CNTN4: variants seen among roughly 807,000 people sequenced by gnomAD.
CNTN4 encodes the protein contactin-4.
A neutral mutation model predicts 122.5 loss-of-function variants in CNTN4; 77 were observed. That is an observed-to-expected ratio of 0.63 (90% CI 0.52 to 0.76). CNTN4 has a LOEUF of 0.76. Ranked by LOEUF, CNTN4 falls within the 30% of genes least tolerant of loss-of-function variation. The pLI is 0.00. For synonymous variants in CNTN4, 512 were observed against 447.0 expected, an observed-to-expected ratio of 1.15 and a Z score of -1.83; for missense variants, 1,256 against 1,259.1, an observed-to-expected ratio of 1.00 and a Z score of 0.04.
intron 12 of CNTN4, among the ~76,000 whole-genome samples, chr3:2,903,889 T>C (rs1310707360): frequency 1.3e-5 from 2 of 152,116 alleles, no homozygotes; most frequent in African/African-American, 4.8e-5. Flanking sequence ...CAATAAACAT[T>C]GAATGAATGT....
chr3:2,887,264 G>T, intron 10 of CNTN4, 40 bp downstream of exon 10: 1 of 1,568,152 alleles, frequency 6.4e-7, no homozygotes. Flanking sequence ...TAGTGCTACA[G>T]AACTTCCTGA....
chr3:2,117,782 A>C (rs1038304418), intron 2 of CNTN4, among the ~76,000 whole-genome samples: 4 of 152,212 alleles, frequency 2.6e-5, no homozygotes, highest in African/African-American at 9.7e-5. Flanking sequence ...TTTATTAGAC[A>C]CGCAGGGTTT....
intron 3 of CNTN4, among the ~76,000 whole-genome samples, chr3:2,431,261 T>C (rs1256815277): frequency 6.6e-6 from 1 of 152,232 alleles, no homozygotes; most frequent in Non-Finnish European, 1.5e-5. Flanking sequence ...TATTCTGTTA[T>C]GAAGAGATGT....
At chr3:2,916,738 G>A (rs182365391) in intron 12 of CNTN4, among the ~76,000 whole-genome samples, 7,132 of 141,156 alleles carry the variant, frequency 0.051, 311 homozygotes, top group Middle Eastern at 0.093. Context: ...ACGGGGTGGC[G>A]GCCGGGCAGA....
intron 14 of CNTN4, among the ~76,000 whole-genome samples, chr3:3,000,608 T>C (rs1242935133): frequency 6.6e-6 from 1 of 152,242 alleles, no homozygotes; most frequent in African/African-American, 2.4e-5. Context: ...TAGGGAAATA[T>C]GGCAGAAAGA....
chr3:3,039,083 GA>G, intron 19 of CNTN4, 80 bp downstream of exon 19: 1 of 1,247,538 alleles, frequency 8.0e-7, no homozygotes, highest in South Asian at 1.3e-5. Context: ...ACATAGCTGG[GA>G]AGTTTCCTCC....
intron 3 of CNTN4, among the ~76,000 whole-genome samples, chr3:2,380,701 CTT>C (rs77365212): frequency 2.1e-5 from 3 of 143,808 alleles, no homozygotes; most frequent in Admixed American, 7.0e-5. Context: ...TAGTGGGTTT[CTT>C]TTTTTTTTTT....
chr3:2,632,499 G>A (rs901656048), intron 4 of CNTN4, among the ~76,000 whole-genome samples: 7 of 152,132 alleles, frequency 4.6e-5, no homozygotes, highest in African/African-American at 1.4e-4. Flanking sequence ...TGAGAGGCAT[G>A]AAGAGATCAA....
intron 2 of CNTN4, among the ~76,000 whole-genome samples, chr3:2,187,591 C>T (rs1447746449): frequency 1.3e-5 from 2 of 152,026 alleles, no homozygotes; most frequent in Non-Finnish European, 1.5e-5. Flanking sequence ...CCCTTTTGGC[C>T]CCCATTTTAG....
At chr3:2,205,314 T>G (rs180952894) in intron 2 of CNTN4, among the ~76,000 whole-genome samples, 13 of 149,754 alleles carry the variant, frequency 8.7e-5, no homozygotes, top group African/African-American at 2.9e-4. Context: ...CAGGGAAGTA[T>G]AATTACTAAT....
chr3:2,333,042 G>A (rs754248298), intron 2 of CNTN4, among the ~76,000 whole-genome samples: 8 of 152,112 alleles, frequency 5.3e-5, no homozygotes, highest in Non-Finnish European at 1.0e-4. Context: ...ATAGACTGGA[G>A]CATCTGTCTC....
chr3:2,416,771 A>G (rs1016748016), intron 3 of CNTN4, among the ~76,000 whole-genome samples: 5 of 152,026 alleles, frequency 3.3e-5, no homozygotes, highest in African/African-American at 1.2e-4. Context: ...CTCCTGCCTC[A>G]GCCTCCCGAG....
intron 2 of CNTN4, among the ~76,000 whole-genome samples, chr3:2,305,158 A>C (rs1256172409): frequency 6.6e-6 from 1 of 152,078 alleles, no homozygotes; most frequent in African/African-American, 2.4e-5. Context: ...ATGAATGATC[A>C]TGTAGTTCCC....
chr3:2,283,426 G>T (rs531397255), intron 2 of CNTN4, among the ~76,000 whole-genome samples: 11 of 152,196 alleles, frequency 7.2e-5, no homozygotes, highest in South Asian at 6.2e-4. Context: ...GTATAGGCAA[G>T]TAGTCCTTGA....
At chr3:2,299,182 C>A (rs1258087244) in intron 2 of CNTN4, among the ~76,000 whole-genome samples, 1 of 152,106 alleles carries the variant, frequency 6.6e-6, no homozygotes, top group Non-Finnish European at 1.5e-5. Context: ...GAGAATTAAT[C>A]CAGCATTATT....
chr3:2,198,980 A>G (rs2037971457), intron 2 of CNTN4, among the ~76,000 whole-genome samples: 1 of 152,208 alleles, frequency 6.6e-6, no homozygotes, highest in South Asian at 2.1e-4. Flanking sequence ...GGGAAGCCGA[A>G]TCATCGTTTC....
At chr3:2,315,517 T>C (rs926359690) in intron 2 of CNTN4, among the ~76,000 whole-genome samples, 6 of 152,036 alleles carry the variant, frequency 3.9e-5, no homozygotes, top group African/African-American at 1.4e-4. Flanking sequence ...GAGATTTCTA[T>C]TTTTCTATTT....
chr3:2,566,102 AT>A (rs1007507943), intron 3 of CNTN4, among the ~76,000 whole-genome samples: 16 of 152,276 alleles, frequency 1.1e-4, no homozygotes, highest in African/African-American at 3.6e-4. Flanking sequence ...AGTATTACAG[AT>A]TCTGCACCTT....
chr3:2,120,404 TA>T (rs1290160444), intron 2 of CNTN4, among the ~76,000 whole-genome samples: 961 of 31,072 alleles, frequency 0.031, 11 homozygotes, highest in African/African-American at 0.054. Context: ...TATATATATA[TA>T]TTTTTTTTTT....
Sources: gnomAD v4.1 joint callset for allele counts (sites outside exome capture counted in the v4.1 genomes callset) on GRCh38, gnomAD v4.1.1 for gene constraint, MANE v1.5 for transcripts, NCBI Gene and HGNC (gene_info 2026-07-23, HGNC 2026-07-21) for gene names.